Variants in DOCK6 observed in about 807,000 individuals in gnomAD.
DOCK6 encodes dedicator of cytokinesis 6.
In DOCK6, 167 loss-of-function variants were observed where a neutral mutation model predicts 230.3. The observed-to-expected ratio is 0.73, with a 90% CI of 0.64 to 0.82. The LOEUF (loss-of-function observed/expected upper bound fraction) is 0.82. Among genes scored for constraint, DOCK6 ranks in the 40% least tolerant of loss-of-function variants. The pLI is 0.00. For synonymous variants in DOCK6, 1,148 were observed against 1,185.0 expected (o/e 0.97, Z 0.64); for missense variants, 2,598 against 2,825.8 (o/e 0.92, Z 1.83).
rs2080140129 is a variant in DOCK6, at chr19:11,252,858, A to G, written c.233T>C (p.Phe78Ser). Reference sequence around the variant, plus strand: ...CAGCAGCTCCAAGTCATCAGCTGGGAATTCTACCAGGTCCCTGAGGGGCCC... The same window carrying G: ...CAGCAGCTCCAAGTCATCAGCTGGGGATTCTACCAGGTCCCTGAGGGGCCC... ...EPGPLRDLVE[F>S]PADDLELLLQ... is the part of the protein sequence containing the mutation. The change falls in exon 3 of 48, where the codon TTC (phenylalanine) becomes TCC (serine). Residue 78 changes from phenylalanine to serine, a missense_variant. By Grantham distance (155) the Phe-to-Ser change is radical (BLOSUM62 -2). Coordinates refer to ENST00000294618, the MANE Select transcript of DOCK6 (RefSeq NM_020812.4). 1 of 1,613,660 alleles carries G rather than the reference A, an allele frequency of 6.2e-7. No homozygotes were observed. Among genetic ancestry groups the G allele is most frequent in the Non-Finnish European group, 8.5e-7 (1 of 1,179,838 alleles).
intron 24 of DOCK6, among the ~76,000 whole-genome samples, chr19:11,224,215 T>TTTC (rs1491120050): frequency 2.1e-5 from 3 of 143,500 alleles, no homozygotes; most frequent in East Asian, 4.0e-4. Flanking sequence ...TCTTTCTTTC[T>TTTC]TTTTTTTTTT....
intron 30 of DOCK6, 153 bp downstream of exon 30, chr19:11,216,761 C>T (rs1437788765): frequency 3.9e-6 from 3 of 775,518 alleles, no homozygotes; most frequent in East Asian, 2.7e-5. Context: ...TTCCTTGCCT[C>T]AGCACAGAAA....
chr19:11,245,098 G>T (rs979025154), intron 9 of DOCK6, among the ~76,000 whole-genome samples: 1 of 152,190 alleles, frequency 6.6e-6, no homozygotes, highest in African/African-American at 2.4e-5. Context: ...GAGGACTGAA[G>T]GAGGGATCCC....
chr19:11,219,350 A>ATT (rs557147060), intron 28 of DOCK6, among the ~76,000 whole-genome samples: 8 of 137,330 alleles, frequency 5.8e-5, no homozygotes, highest in African/African-American at 1.9e-4. Context: ...TGCCTGCCTA[A>ATT]TTTTTTTTTT....
intron 14 of DOCK6, chr19:11,239,828 G>A (rs1190456183): frequency 1.2e-6 from 2 of 1,603,280 alleles, no homozygotes; most frequent in Admixed American, 3.5e-5. Context: ...ACAAAGGCCA[G>A]GAACAGCCTG....
At chr19:11,220,386 C>T (rs2079561616) in intron 28 of DOCK6, among the ~76,000 whole-genome samples, 1 of 152,104 alleles carries the variant, frequency 6.6e-6, no homozygotes, top group Non-Finnish European at 1.5e-5. Flanking sequence ...AGATCTTGCC[C>T]TAGAGTCTCC....
At position 11,202,387 on chromosome 19, in the gene DOCK6, GA is replaced by G. The variant is rs542674001; in HGVS notation, c.5451+6del. On this transcript the variant is annotated splice_donor_region_variant and intron_variant, in intron 43 of 47. Transcript: ENST00000294618. The surrounding 1 kb of genome is among the most constrained non-coding windows in gnomAD (Gnocchi z 5.3). ...TAAGATTTTGGGGAAATGGTTGGGG[GA>G]CCCACCTTTTGTGAGTCAAGCTTGG... The G allele has an allele frequency of 6.8e-6, 11 of 1,613,070 alleles. No individual in the cohort carries two copies. The highest frequency in any genetic ancestry group is 3.3e-4 in the Middle Eastern group (2 of 6,084).
At chr19:11,229,616 T>G (rs1185772203) in intron 22 of DOCK6, among the ~76,000 whole-genome samples, 1 of 151,576 alleles carries the variant, frequency 6.6e-6, no homozygotes, top group Non-Finnish European at 1.5e-5. Context: ...GGAGGCTGGT[T>G]GGAATGGCCA....
chr19:11,235,820 T>G, intron 20 of DOCK6, 61 bp from the exon 21 acceptor site: 1 of 1,518,844 alleles, frequency 6.6e-7, no homozygotes, highest in Non-Finnish European at 8.9e-7. Context: ...CCCGCCCACT[T>G]TCCAAATATA....
rs1228795958 is a variant in DOCK6 at position 11,236,600 on chromosome 19, C to G, written c.2161-23G>C. ...GTCCTGGGTAGGGATGTGGAGTGAG[C>G]AGGGTGGGGCCTCAGGGAATGAAGA... On this transcript the variant is annotated intron_variant, in intron 19 of 47. Transcript: ENST00000294618. The surrounding 1 kb of genome is among the most constrained non-coding windows in gnomAD (Gnocchi z 5.2). 1 of 1,552,198 alleles carries G rather than the reference C, an allele frequency of 6.4e-7. No individual in the cohort carries two copies. Among genetic ancestry groups the G allele is most frequent in the East Asian group, 2.4e-5 (1 of 41,756 alleles).
At position 11,201,935 on chromosome 19, in the gene DOCK6, G is replaced by A. The variant is rs763644777; in HGVS notation, c.5642C>T (p.Ala1881Val). Residue 1881 changes from alanine (A) to valine (V), a missense_variant, in exon 44 of 48, where the codon GCC (alanine) becomes GTC (valine). Physicochemically the swap from Ala to Val is moderately conservative, Grantham distance 64. Transcript: ENST00000294618. This position sits in a 1 kb window ranked among gnomAD's most constrained non-coding sequence, Gnocchi z 4.3. ...KRKTLLSTDH[A>V]FPYIKTRIRV... ...GATGCGAGTCTTGATGTAGGGGAAG[G>A]CGTGGTCGGTGCTGAGCAGCGTCTT... The A allele has an allele frequency of 2.5e-6, 4 of 1,605,250 alleles. No homozygotes were observed. In the Admixed American group the frequency reaches 6.9e-5, roughly 28 times the overall value.
At chr19:11,216,840 G>A in intron 30 of DOCK6, 74 bp downstream of exon 30, 1 of 1,495,036 alleles carries the variant, frequency 6.7e-7, no homozygotes. Context: ...TTCCCACTCA[G>A]CCCGCAGCAC....
At chr19:11,248,231 A>T in intron 6 of DOCK6, 80 bp from the exon 7 acceptor site, 1 of 1,071,796 alleles carries the variant, frequency 9.3e-7, no homozygotes. Context: ...CCAGCCTCAG[A>T]CCAGCTCTAC....
Position 11,236,995 on chromosome 19 carries a change from A to T in DOCK6, c.2074-116T>A. ...TGAGTGTAGCCCGGTCTGGGGGTGC[A>T]GCCAAGCACCCTGCCCCCAGCCCTG... On this transcript the variant is annotated intron_variant, in intron 18 of 47. Transcript: ENST00000294618. The surrounding 1 kb of genome is among the most constrained non-coding windows in gnomAD (Gnocchi z 5.2). 1 of 1,080,704 alleles carries T rather than the reference A, an allele frequency of 9.3e-7. No homozygotes were observed. Among genetic ancestry groups the T allele is most frequent in the East Asian group, 2.6e-5 (1 of 38,194 alleles). 66.9% of individuals were successfully genotyped at this position (1,080,704 alleles called of 1,614,324 possible).
At position 11,200,214 on chromosome 19, in the gene DOCK6, G is replaced by A; in HGVS notation, c.6101+94C>T. The A allele has an allele frequency of 1.6e-6, 2 of 1,269,926 alleles. No individual in the cohort carries two copies. Among genetic ancestry groups the A allele is most frequent in the Non-Finnish European group, 2.1e-6 (2 of 937,068 alleles). 78.7% of individuals were successfully genotyped at this position (1,269,926 alleles called of 1,614,324 possible). A position where few individuals can be genotyped will look rare whatever the true frequency, so the allele number is the denominator to read the frequency against. ...CCAAGCTACCAGCAAACATGTTGCT[G>A]TGTATGTGTACAACAGCCCCCATCC... is the stretch of plus-strand genomic sequence containing the variant. On this transcript the variant is annotated intron_variant, in intron 47 of 47. Coordinates refer to ENST00000294618, the MANE Select transcript of DOCK6 (RefSeq NM_020812.4). The surrounding 1 kb of genome is among the most constrained non-coding windows in gnomAD (Gnocchi z 4.3).
At chr19:11,213,364 C>T (rs1297932125) in intron 34 of DOCK6, 36 bp from the exon 35 acceptor site, 2 of 1,592,608 alleles carry the variant, frequency 1.3e-6, no homozygotes, top group African/African-American at 2.7e-5. Flanking sequence ...CTGTCCAGCC[C>T]CTCCCCGTTC....
Position 11,243,262 on chromosome 19 carries a change from T to C in DOCK6, c.1382A>G (p.Lys461Arg). 1.9e-6 allele frequency: 3 copies of C among 1,611,938 alleles called. No individual in the cohort carries two copies. Among genetic ancestry groups the C allele is most frequent in the Non-Finnish European group, 2.5e-6 (3 of 1,179,078 alleles). ...CCTGGCCCCAGGGTAGGACACCTGC[T>C]TAAAGAAGTTTGTGACAGTTAGCGT... Reference protein sequence around the residue: ...PATLTVTNFFKQEAERLSDED... With the variant: ...PATLTVTNFFRQEAERLSDED... The change falls in exon 12 of 48, where the codon AAG becomes AGG. Residue 461 changes from lysine (K) to arginine (R), a missense_variant. Coordinates refer to ENST00000294618, the MANE Select transcript of DOCK6 (RefSeq NM_020812.4). The surrounding 1 kb of genome is among the most constrained non-coding windows in gnomAD (Gnocchi z 6.3).
chr19:11,239,118 T>G (rs1043413079), intron 14 of DOCK6, among the ~76,000 whole-genome samples: 3 of 152,076 alleles, frequency 2.0e-5, no homozygotes, highest in African/African-American at 7.2e-5. Flanking sequence ...TCAGTGGTGA[T>G]CTGGGCATAT....
In DOCK6 at chr19:11,200,580, T is replaced by C; in HGVS notation, c.5940-111A>G. On this transcript the variant is annotated intron_variant, in intron 46 of 47. Coordinates refer to ENST00000294618, the MANE Select transcript of DOCK6 (RefSeq NM_020812.4). This position sits in a 1 kb window ranked among gnomAD's most constrained non-coding sequence, Gnocchi z 4.3. Reference sequence around the variant, plus strand: ...ACCAGGCCTGCAGAAAGACCCGCAATAGGAGGTCAGGTTGGGAGAGTGGAC... The same window carrying C: ...ACCAGGCCTGCAGAAAGACCCGCAACAGGAGGTCAGGTTGGGAGAGTGGAC... 7 of 1,518,370 alleles carry C rather than the reference T, an allele frequency of 4.6e-6. No individual in the cohort carries two copies. The highest frequency in any genetic ancestry group is 6.2e-6 in the Non-Finnish European group (7 of 1,126,258). The allele number at this position is 1,518,370 out of a possible 1,614,324, so 94.1% of individuals were successfully genotyped here.
Sources: gnomAD v4.1 joint callset for allele counts (sites outside exome capture counted in the v4.1 genomes callset) on GRCh38, gnomAD v4.1.1 for gene constraint, Gnocchi (gnomAD v3.1) non-coding constraint, MANE v1.5 for transcripts, NCBI Gene and HGNC (gene_info 2026-07-23, HGNC 2026-07-21) for gene names.